RCAN2: variants seen among roughly 807,000 people sequenced by gnomAD.
RCAN2 encodes the protein calcipressin-2.
In RCAN2, 9 loss-of-function variants were observed where a neutral mutation model predicts 23.6. The ratio of observed to expected loss-of-function variants is 0.38; its 90% CI spans 0.23 to 0.67. RCAN2 has a LOEUF of 0.67. Ranked by LOEUF, RCAN2 falls within the 30% of genes least tolerant of loss-of-function variation. RCAN2 has a pLI of 0.51. For missense variants in RCAN2, 273 were observed against 302.3 expected (o/e 0.90, Z 0.72); for synonymous variants, 109 against 115.7 (o/e 0.94, Z 0.37).
chr6:46,255,967 C>G (rs1478365770), intron 2 of RCAN2, among the ~76,000 whole-genome samples: 1 of 151,980 alleles, frequency 6.6e-6, no homozygotes, highest in East Asian at 1.9e-4. Flanking sequence ...TTGCTCAGAG[C>G]AATTAAAGAC....
At chr6:46,452,234 G>C (rs1225825762) in intron 2 of RCAN2, among the ~76,000 whole-genome samples, 1 of 152,120 alleles carries the variant, frequency 6.6e-6, no homozygotes, top group African/African-American at 2.4e-5. Context: ...GCCACTACTA[G>C]CTTAGACCAT....
chr6:46,488,196 G>A (rs1769046133), intron 1 of RCAN2, among the ~76,000 whole-genome samples: 1 of 152,228 alleles, frequency 6.6e-6, no homozygotes, highest in Non-Finnish European at 1.5e-5. Context: ...AATTCAGAAT[G>A]CTGGTCAGAG....
chr6:46,427,135 A>G (rs1767053635), intron 2 of RCAN2, among the ~76,000 whole-genome samples: 1 of 152,202 alleles, frequency 6.6e-6, no homozygotes, highest in Non-Finnish European at 1.5e-5. Context: ...GTTTTGAATA[A>G]CTGGAATTTA....
At chr6:46,263,706 T>TATTTAC (rs1767221877) in intron 2 of RCAN2, among the ~76,000 whole-genome samples, 1 of 144,688 alleles carries the variant, frequency 6.9e-6, no homozygotes, top group South Asian at 2.3e-4. Context: ...AGGATTTAAA[T>TATTTAC]ATTTACATTA....
chr6:46,450,254 TCA>T (rs1292460536), intron 2 of RCAN2, among the ~76,000 whole-genome samples: 2 of 151,966 alleles, frequency 1.3e-5, no homozygotes, highest in African/African-American at 4.8e-5. Context: ...CAATGAAATA[TCA>T]CCTCACACCT....
At chr6:46,336,107 C>T (rs1764132602) in intron 2 of RCAN2, among the ~76,000 whole-genome samples, 1 of 152,176 alleles carries the variant, frequency 6.6e-6, no homozygotes. Flanking sequence ...CACATCTGCA[C>T]TTTGGAAAGA....
intron 2 of RCAN2, among the ~76,000 whole-genome samples, chr6:46,262,675 C>T (rs963199813): frequency 6.6e-6 from 1 of 152,150 alleles, no homozygotes; most frequent in Non-Finnish European, 1.5e-5. Context: ...TGGCTCCCCA[C>T]AGCTTTTAGA....
intron 2 of RCAN2, among the ~76,000 whole-genome samples, chr6:46,445,764 T>C (rs559125269): frequency 2.6e-5 from 4 of 152,236 alleles, no homozygotes; most frequent in African/African-American, 9.6e-5. Context: ...AAATATGCAA[T>C]GAACTAAGTT....
rs1334107208 is a variant in RCAN2, at chr6:46,250,714, G to A, written c.226-1818C>T. Among the ~76,000 whole-genome samples the A allele has an allele frequency of 5.3e-5, 8 of 152,336 alleles. No individual in the cohort carries two copies. The East Asian group carries it at 1.3e-3, about 26-fold the overall frequency. ...AAAGAATTATACTGTCAGGTTGATA[G>A]GAGGAGATGCTTATTTTAATAAGAG... On this transcript the variant is annotated intron_variant, in intron 2 of 4. Transcript: ENST00000371374.
At chr6:46,405,434 T>G (rs1331097383) in intron 2 of RCAN2, among the ~76,000 whole-genome samples, 1 of 152,176 alleles carries the variant, frequency 6.6e-6, no homozygotes, top group Non-Finnish European at 1.5e-5. Context: ...TAGAGCCCAG[T>G]GGCCTGTTTT....
intron 2 of RCAN2, among the ~76,000 whole-genome samples, chr6:46,332,389 A>T (rs1190073569): frequency 6.6e-6 from 1 of 152,032 alleles, no homozygotes; most frequent in African/African-American, 2.4e-5. Context: ...TACATGTGCC[A>T]TGCGGGTGTG....
intron 2 of RCAN2, among the ~76,000 whole-genome samples, chr6:46,261,721 C>G (rs1296925524): frequency 4.6e-5 from 7 of 152,132 alleles, no homozygotes; most frequent in Admixed American, 3.9e-4. Context: ...GAAATCAACT[C>G]TAATTAAACT....
In RCAN2 at chr6:46,302,415, C is replaced by T. The variant is rs1310247899; in HGVS notation, c.226-53519G>A. Among the ~76,000 whole-genome samples the T allele has an allele frequency of 2.0e-5, 3 of 152,076 alleles. No homozygotes were observed. In the East Asian group the frequency reaches 5.8e-4, roughly 29 times the overall value. On this transcript the variant is annotated intron_variant, in intron 2 of 4. Transcript: ENST00000371374. ...ATAGTGATGTCCAAGAGAGGATCTG[C>T]AGACTCTGCTGCCCAGATCACCAGA...
At chr6:46,412,265 G>T (rs1033084642) in intron 2 of RCAN2, among the ~76,000 whole-genome samples, 1 of 152,184 alleles carries the variant, frequency 6.6e-6, no homozygotes, top group African/African-American at 2.4e-5. Context: ...CTGAGATGTG[G>T]TGAGGAAAAC....
intron 2 of RCAN2, among the ~76,000 whole-genome samples, chr6:46,313,646 C>T (rs778220703): frequency 1.3e-5 from 2 of 152,178 alleles, no homozygotes; most frequent in Non-Finnish European, 2.9e-5. Flanking sequence ...AAGAACTATA[C>T]AATCATAACG....
At chr6:46,396,659 T>C (rs1375896558) in intron 2 of RCAN2, among the ~76,000 whole-genome samples, 1 of 152,222 alleles carries the variant, frequency 6.6e-6, no homozygotes, top group Non-Finnish European at 1.5e-5. Flanking sequence ...GTTTCATAAA[T>C]GCTGTTACAT....
At chr6:46,420,296 G>A (rs1022067006) in intron 2 of RCAN2, among the ~76,000 whole-genome samples, 1 of 152,076 alleles carries the variant, frequency 6.6e-6, no homozygotes, top group Non-Finnish European at 1.5e-5. Context: ...ACAGACTACC[G>A]TGTGCAAGAG....
At chr6:46,364,667 T>G (rs918742668) in intron 2 of RCAN2, among the ~76,000 whole-genome samples, 1 of 152,164 alleles carries the variant, frequency 6.6e-6, no homozygotes, top group East Asian at 1.9e-4. Context: ...TCTTTTCCTC[T>G]CATCCACCTG....
At chr6:46,401,027 T>C (rs961796915) in intron 2 of RCAN2, among the ~76,000 whole-genome samples, 1 of 152,188 alleles carries the variant, frequency 6.6e-6, no homozygotes. Flanking sequence ...GTGATTCTTA[T>C]ACACATTAAA....
Sources: gnomAD v4.1 joint callset for allele counts (sites outside exome capture counted in the v4.1 genomes callset) on GRCh38, gnomAD v4.1.1 for gene constraint, MANE v1.5 for transcripts, NCBI Gene and HGNC (gene_info 2026-07-23, HGNC 2026-07-21) for gene names.